Variants in GALNT2 observed in about 807,000 individuals in gnomAD.
GALNT2 encodes the protein UDP-GalNAc:polypeptide N-acetylgalactosaminyltransferase 2.
GALNT2 carries 31 observed loss-of-function variants against 81.4 expected under a neutral mutation model. That is an observed-to-expected ratio of 0.38 (90% CI 0.29 to 0.51). The LOEUF (loss-of-function observed/expected upper bound fraction) is 0.51, where lower values mean the gene tolerates loss of function less well. Ranked by LOEUF, GALNT2 falls within the 20% of genes least tolerant of loss-of-function variation. The pLI, the probability that GALNT2 is intolerant of heterozygous loss-of-function variation, is 0.87. For missense variants in GALNT2, 629 were observed against 765.7 expected (o/e 0.82, Z 2.11); for synonymous variants, 303 against 287.4 (o/e 1.05, Z -0.55).
chr1:230,141,905 G>C (rs1661752551), intron 1 of GALNT2, among the ~76,000 whole-genome samples: 1 of 146,210 alleles, frequency 6.8e-6, no homozygotes, highest in Admixed American at 7.2e-5. Context: ...TCCCGCCTCT[G>C]CCTCCCAAGT....
upstream of GALNT2, chr1:230,057,929 G>A (rs1333475864): frequency 4.6e-6 from 2 of 436,804 alleles, no homozygotes; most frequent in Middle Eastern, 3.4e-4. Context: ...GTCGTCCGGG[G>A]CTAGGAGGAT....
At chr1:230,205,349 G>A (rs1664027925) in intron 3 of GALNT2, among the ~76,000 whole-genome samples, 1 of 151,882 alleles carries the variant, frequency 6.6e-6, no homozygotes, top group South Asian at 2.1e-4. Flanking sequence ...AGTTTTTTTA[G>A]GGCCATGGAA....
Position 230,261,107 on chromosome 1 carries a change from T to C in GALNT2, c.1137-1466T>C, listed in dbSNP as rs779508792. On this transcript the variant is annotated intron_variant, in intron 11 of 15. Transcript: ENST00000366672. ...TTTTTTTTTTTTTTTTTTGCTATTA[T>C]AAACAAAGCAGAAGTGAGCATATTT... 4.7e-4 allele frequency among the ~76,000 whole-genome samples: 69 copies of C among 147,406 alleles called. 2 individuals carry two copies. The highest frequency in any genetic ancestry group is 1.7e-3 in the African/African-American group (68 of 40,100).
intron 1 of GALNT2, among the ~76,000 whole-genome samples, chr1:230,072,280 TC>T (rs1455580770): frequency 7.1e-6 from 1 of 141,236 alleles, no homozygotes; most frequent in Admixed American, 7.7e-5. Flanking sequence ...GATTTTAGTG[TC>T]AAAGCAGGCA....
chr1:230,255,285 C>T lies in GALNT2; in HGVS notation c.1077C>T (p.His359=), dbSNP rs147354186. The T allele has an allele frequency of 3.4e-4, 543 of 1,614,226 alleles. 2 individuals are homozygous for T. In the African/African-American group the frequency reaches 5.6e-3, roughly 17 times the overall value. The stretch of plus-strand genomic sequence containing the variant: ...TCATCCCGTGCAGCCGTGTGGGACA[C>T]GTGTTCCGGAAGCAGCACCCCTACA... ...LEIIPCSRVG[H]VFRKQHPYTF... is the part of the protein sequence containing the mutation. Residue 359 remains histidine (H), a synonymous_variant, in exon 11 of 16, where the codon CAC becomes CAT. Coordinates refer to ENST00000366672, the MANE Select transcript of GALNT2 (RefSeq NM_004481.5).
intron 1 of GALNT2, among the ~76,000 whole-genome samples, chr1:230,099,135 C>T (rs1354579058): frequency 6.6e-6 from 1 of 152,224 alleles, no homozygotes; most frequent in African/African-American, 2.4e-5. Flanking sequence ...GTCATTGCTA[C>T]GTTAGCAGCT....
At chr1:230,253,981 A>T (rs916534671) in intron 10 of GALNT2, among the ~76,000 whole-genome samples, 1 of 152,166 alleles carries the variant, frequency 6.6e-6, no homozygotes, top group African/African-American at 2.4e-5. Context: ...GAAAAAAAAA[A>T]TGAAGTCCTG....
chr1:230,197,139 A>T (rs1245036653), intron 2 of GALNT2, among the ~76,000 whole-genome samples: 1 of 151,866 alleles, frequency 6.6e-6, no homozygotes, highest in Non-Finnish European at 1.5e-5. Flanking sequence ...CCTGTCTCGC[A>T]TCTCCCCCTG....
intron 2 of GALNT2, among the ~76,000 whole-genome samples, chr1:230,196,713 C>T (rs540171824): frequency 1.8e-4 from 27 of 152,272 alleles, no homozygotes; most frequent in African/African-American, 6.0e-4. Context: ...CGCTTCTCCT[C>T]ATCCCATCCC....
chr1:230,144,907 G>C (rs1249626623), intron 1 of GALNT2, among the ~76,000 whole-genome samples: 1 of 152,158 alleles, frequency 6.6e-6, no homozygotes, highest in African/African-American at 2.4e-5. Flanking sequence ...TTGTGGGAAG[G>C]ATGAGTTTAT....
chr1:230,081,909 G>T lies in GALNT2; in HGVS notation c.126+14503G>T, dbSNP rs1162452548. Among the ~76,000 whole-genome samples, 2 of 152,210 alleles carry T rather than the reference G, an allele frequency of 1.3e-5. 1 individual carries two copies. The highest frequency in any genetic ancestry group is 2.9e-5 in the Non-Finnish European group (2 of 68,040). On this transcript the variant is annotated intron_variant, in intron 1 of 15. Coordinates refer to ENST00000366672, the MANE Select transcript of GALNT2 (RefSeq NM_004481.5). ...GTGGGACATTGGCTTGCGTTTCCTT[G>T]TCTGGAAAAGAGAGTTAGTGAGTTG...
chr1:230,274,652 C>CAA, intron 15 of GALNT2, 88 bp downstream of exon 15: 1 of 1,497,304 alleles, frequency 6.7e-7, no homozygotes. Context: ...TGCTGCCTCT[C>CAA]AAAGCATCCA....
At chr1:230,267,003 C>CAG (rs57447535) in intron 14 of GALNT2, among the ~76,000 whole-genome samples, 20,038 of 152,036 alleles carry the variant, frequency 0.13, 1,390 homozygotes, top group Non-Finnish European at 0.15. Flanking sequence ...CACACACACA[C>CAG]ACACACACAC....
intron 2 of GALNT2, among the ~76,000 whole-genome samples, chr1:230,198,310 G>T (rs777533353): frequency 1.3e-5 from 2 of 150,672 alleles, no homozygotes; most frequent in Non-Finnish European, 3.0e-5. Flanking sequence ...GAGGAGTGGC[G>T]CGGGCAGGAC....
At chr1:230,060,239 A>G (rs968463878) in intron 1 of GALNT2, among the ~76,000 whole-genome samples, 2 of 152,228 alleles carry the variant, frequency 1.3e-5, no homozygotes, top group Admixed American at 6.5e-5. Flanking sequence ...ATCCTTGGCC[A>G]GAATACATAT....
chr1:230,213,031 C>A (rs1260731056), intron 3 of GALNT2, among the ~76,000 whole-genome samples: 1 of 152,184 alleles, frequency 6.6e-6, no homozygotes, highest in Non-Finnish European at 1.5e-5. Context: ...CAAAGCTTAA[C>A]CCCTGAGTGG....
upstream of GALNT2, among the ~76,000 whole-genome samples, chr1:230,066,856 C>G (rs1327062176): frequency 2.0e-5 from 3 of 151,738 alleles, no homozygotes; most frequent in South Asian, 6.2e-4. Flanking sequence ...ACCTGTCACT[C>G]ACGGGGGAGG....
rs200971686 is a variant in GALNT2, at chr1:230,243,437, C to T, written c.729+10C>T. On this transcript the variant is annotated intron_variant, in intron 7 of 15. Transcript: ENST00000366672. The surrounding 1 kb of genome is among the most constrained non-coding windows in gnomAD (Gnocchi z 4.2). Reference sequence around the variant, plus strand: ...GGAAAGGGTGGCGGAGGTGAGATGACGGGGGCTGGGAGGGGTGTCAGGTCG... The same window carrying T: ...GGAAAGGGTGGCGGAGGTGAGATGATGGGGGCTGGGAGGGGTGTCAGGTCG... 5.7e-4 allele frequency: 918 copies of T among 1,609,040 alleles called. 6 individuals are homozygous for T. The highest frequency in any genetic ancestry group is 3.0e-3 in the South Asian group (276 of 90,824).
intron 1 of GALNT2, among the ~76,000 whole-genome samples, chr1:230,059,563 T>C (rs1315115591): frequency 1.3e-5 from 2 of 152,232 alleles, no homozygotes; most frequent in Non-Finnish European, 2.9e-5. Flanking sequence ...AGTTGTAGTA[T>C]CTTTTAGACG....
Sources: gnomAD v4.1 joint callset for allele counts (sites outside exome capture counted in the v4.1 genomes callset) on GRCh38, gnomAD v4.1.1 for gene constraint, Gnocchi (gnomAD v3.1) non-coding constraint, MANE v1.5 for transcripts, NCBI Gene and HGNC (gene_info 2026-07-23, HGNC 2026-07-21) for gene names.